The following ETV1 variants were observed in gnomAD, a reference collection of about 807,000 sequenced individuals.
ETV1 encodes ETS variant transcription factor 1, also known as ETS translocation variant 1.
Under a neutral mutation model 62.3 loss-of-function variants are expected in ETV1, and 27 were observed. That is an observed-to-expected ratio of 0.43 (90% CI 0.32 to 0.60). ETV1 has a LOEUF of 0.60. ETV1 is among the 20% of genes least tolerant of loss of function. The pLI is 0.06. For missense variants in ETV1, 605 were observed against 605.8 expected (o/e 1.00, Z 0.01); for synonymous variants, 222 against 199.6 (o/e 1.11, Z -0.94).
At chr7:13,976,495 T>C (rs1346931146) in intron 6 of ETV1, among the ~76,000 whole-genome samples, 1 of 152,160 alleles carries the variant, frequency 6.6e-6, no homozygotes, top group East Asian at 1.9e-4. Context: ...ATATCAAACA[T>C]AAATGCTGAA....
At chr7:13,979,001 C>T (rs1216810526) in intron 5 of ETV1, among the ~76,000 whole-genome samples, 3 of 152,162 alleles carry the variant, frequency 2.0e-5, no homozygotes, top group Middle Eastern at 6.8e-3. Flanking sequence ...CAAGTTTTAA[C>T]TGATACCTAT....
chr7:13,940,245 C>G (rs149528275), intron 6 of ETV1, among the ~76,000 whole-genome samples: 2,981 of 151,654 alleles, frequency 0.02, 110 homozygotes, highest in African/African-American at 0.069. Context: ...GCTTGTAATC[C>G]CAGCTACTTG....
intron 5 of ETV1, among the ~76,000 whole-genome samples, chr7:13,983,084 T>C (rs1280220884): frequency 6.8e-6 from 1 of 147,192 alleles, no homozygotes; most frequent in Non-Finnish European, 1.5e-5. Context: ...GTAGAAAGGT[T>C]GTTCTTGCAG....
chr7:13,978,398 AAC>A (rs10554441), intron 5 of ETV1, among the ~76,000 whole-genome samples: 116,857 of 150,696 alleles, frequency 0.78, 45,598 homozygotes, highest in African/African-American at 0.88. Flanking sequence ...AATACATGCA[AAC>A]ACACACACAC....
intron 11 of ETV1, among the ~76,000 whole-genome samples, chr7:13,906,859 C>A (rs967383625): frequency 7.9e-5 from 12 of 152,170 alleles, no homozygotes; most frequent in African/African-American, 2.4e-4. Context: ...TGACACACAT[C>A]ATTTACTTAC....
intron 6 of ETV1, among the ~76,000 whole-genome samples, chr7:13,968,853 T>C (rs1409728639): frequency 6.6e-6 from 1 of 152,132 alleles, no homozygotes; most frequent in Non-Finnish European, 1.5e-5. Context: ...ATTTAGATTT[T>C]ATTTCTTTTA....
At chr7:13,986,408 A>T (rs1324152689) in intron 5 of ETV1, 4 of 1,485,510 alleles carry the variant, frequency 2.7e-6, no homozygotes, top group Non-Finnish European at 2.7e-6. Flanking sequence ...AGCAGATGTG[A>T]TTGTGAGCTG....
rs372996833 is a variant in ETV1 at position 13,918,798 on chromosome 7, G to T, written c.803-7491C>A. ...TAGATGACGAGTTAGTGGGTGCAGC[G>T]CACCAGCATGGCACATGTATACATA... On this transcript the variant is annotated intron_variant, in intron 9 of 13. Transcript: ENST00000430479. Among the ~76,000 whole-genome samples the T allele has an allele frequency of 3.2e-4, 48 of 149,068 alleles. No individual in the cohort carries two copies. In the East Asian group the frequency reaches 8.4e-3, roughly 26 times the overall value.
At chr7:13,907,795 A>G (rs1198675643) in intron 11 of ETV1, 1 of 468,896 alleles carries the variant, frequency 2.1e-6, no homozygotes, top group Non-Finnish European at 4.4e-6. Flanking sequence ...AAACTTACCT[A>G]TGGTCAGTAG....
Position 13,904,695 on chromosome 7 carries a change from T to C in ETV1, c.1110+1735A>G, listed in dbSNP as rs1206474982. ...ACTGTTTAACTGATACAAATCCCTG[T>C]AGAAAGTGCTCAGTTCCAGCATGAA... is the stretch of plus-strand genomic sequence containing the variant. On this transcript the variant is annotated intron_variant, in intron 12 of 13. Transcript: ENST00000430479. Among the ~76,000 whole-genome samples the C allele has an allele frequency of 2.0e-5, 3 of 152,012 alleles. No homozygotes were observed. In the East Asian group the frequency reaches 5.8e-4, roughly 29 times the overall value.
At chr7:13,974,963 G>C (rs1256701983) in intron 6 of ETV1, 1 of 152,580 alleles carries the variant, frequency 6.6e-6, no homozygotes, top group African/African-American at 2.4e-5. Flanking sequence ...GCAGGGATCA[G>C]GTGAGGATGT....
intron 6 of ETV1, among the ~76,000 whole-genome samples, chr7:13,974,536 A>C (rs1294738518): frequency 6.6e-6 from 1 of 152,240 alleles, no homozygotes; most frequent in African/African-American, 2.4e-5. Flanking sequence ...CAAGAAAACC[A>C]ACCAAAAGGC....
intron 6 of ETV1, among the ~76,000 whole-genome samples, chr7:13,948,799 T>C (rs1788462656): frequency 6.6e-6 from 1 of 152,288 alleles, no homozygotes; most frequent in Non-Finnish European, 1.5e-5. Flanking sequence ...AGTGGCTGGA[T>C]GGAAAGTGAC....
At chr7:13,949,284 A>T (rs969782813) in intron 6 of ETV1, among the ~76,000 whole-genome samples, 10 of 152,184 alleles carry the variant, frequency 6.6e-5, no homozygotes, top group African/African-American at 2.4e-4. Context: ...ATACAAATAT[A>T]TGTAGTTAGG....
At chr7:13,989,533 G>C in intron 1 of ETV1, 30 bp downstream of exon 1, 1 of 399,148 alleles carries the variant, frequency 2.5e-6, no homozygotes, top group Non-Finnish European at 4.4e-6. Context: ...ATTATCTGGA[G>C]AGACATAAAA....
At chr7:13,982,318 C>G (rs141554130) in intron 5 of ETV1, among the ~76,000 whole-genome samples, 2 of 151,928 alleles carry the variant, frequency 1.3e-5, no homozygotes, top group African/African-American at 4.8e-5. Context: ...AGTTATACTA[C>G]AAAATGTAAC....
At chr7:13,975,612 C>T (rs912596545) in intron 6 of ETV1, among the ~76,000 whole-genome samples, 55 of 140,658 alleles carry the variant, frequency 3.9e-4, no homozygotes, top group African/African-American at 1.3e-3. Context: ...GGAAAGGTTT[C>T]GGGACAGAAC....
At chr7:13,988,398 C>T in intron 3 of ETV1, 2 of 578,342 alleles carry the variant, frequency 3.5e-6, no homozygotes. Flanking sequence ...TTCCCAGTGC[C>T]GATCTTAGCA....
At chr7:13,929,271 A>G (rs567380422) in intron 9 of ETV1, among the ~76,000 whole-genome samples, 6 of 152,318 alleles carry the variant, frequency 3.9e-5, no homozygotes, top group Admixed American at 2.6e-4. Context: ...TGGGAATTTC[A>G]AGATACTCCC....
Sources: gnomAD v4.1 joint callset for allele counts (sites outside exome capture counted in the v4.1 genomes callset) on GRCh38, gnomAD v4.1.1 for gene constraint, MANE v1.5 for transcripts, NCBI Gene and HGNC (gene_info 2026-07-23, HGNC 2026-07-21) for gene names.